ATXN7L1: variants seen among roughly 807,000 people sequenced by gnomAD.
The protein encoded by ATXN7L1 is ataxin 7 like 1, also known as ataxin-7-like protein 1.
In ATXN7L1, 15 loss-of-function variants were observed where a neutral mutation model predicts 70.8. The observed-to-expected ratio is 0.21, with a 90% CI of 0.14 to 0.33. ATXN7L1 has a LOEUF of 0.33. Ranked by LOEUF, ATXN7L1 falls within the 10% of genes least tolerant of loss-of-function variation. The probability of loss-of-function intolerance (pLI) is 1.00; values close to 1 mark genes in which losing one functional copy is unlikely to be tolerated. For synonymous variants in ATXN7L1, 440 were observed against 445.1 expected (o/e 0.99, Z 0.14); for missense variants, 975 against 1,097.1 (o/e 0.89, Z 1.57).
At chr7:105,672,079 A>C (rs1288736271) in intron 3 of ATXN7L1, among the ~76,000 whole-genome samples, 1 of 151,968 alleles carries the variant, frequency 6.6e-6, no homozygotes, top group African/African-American at 2.4e-5. Context: ...CGAGGTCAGG[A>C]GTTCGAGACT....
intron 3 of ATXN7L1, among the ~76,000 whole-genome samples, chr7:105,737,622 G>T (rs1328432019): frequency 1.3e-5 from 2 of 151,762 alleles, no homozygotes; most frequent in East Asian, 1.9e-4. Context: ...AGGGGAGGGG[G>T]ACTCTTCACC....
At chr7:105,737,143 T>C (rs974547) in intron 3 of ATXN7L1, among the ~76,000 whole-genome samples, 31,231 of 152,188 alleles carry the variant, frequency 0.21, 3,418 homozygotes, top group East Asian at 0.33. Context: ...TCCACCTCTT[T>C]GGGGACATTT....
At chr7:105,641,723 C>A (rs529057372) in intron 5 of ATXN7L1, among the ~76,000 whole-genome samples, 1 of 152,364 alleles carries the variant, frequency 6.6e-6, no homozygotes, top group South Asian at 2.1e-4. Flanking sequence ...CTGTGAGGCC[C>A]ACAGTGCTTA....
intron 3 of ATXN7L1, among the ~76,000 whole-genome samples, chr7:105,696,153 G>C (rs1791674223): frequency 6.6e-6 from 1 of 152,198 alleles, no homozygotes; most frequent in South Asian, 2.1e-4. Flanking sequence ...TGGGTGTCAA[G>C]GTGGACTTCA....
chr7:105,673,177 C>T (rs555797395), intron 3 of ATXN7L1, among the ~76,000 whole-genome samples: 1 of 152,212 alleles, frequency 6.6e-6, no homozygotes, highest in African/African-American at 2.4e-5. Context: ...CTCAGGCAAT[C>T]CCATTTCAGT....
chr7:105,665,210 T>C lies in ATXN7L1; in HGVS notation c.434A>G (p.Gln145Arg). The C allele has an allele frequency of 6.4e-7, 1 of 1,551,714 alleles. No homozygotes were observed. Among genetic ancestry groups the C allele is most frequent in the Non-Finnish European group, 8.7e-7 (1 of 1,146,986 alleles). Reference protein sequence around the residue: ...PASNPRTSLVQVKTKACLSGH... With the variant: ...PASNPRTSLVRVKTKACLSGH... ...GCTGAGACAGGCTTTTGTTTTCACC[T>C]GTACTAGTGATGTCCTGGGATTGGA... The change falls in exon 4 of 12, where the codon CAG (glutamine) becomes CGG (arginine). Residue 145 changes from glutamine to arginine, a missense_variant. Around this residue, in one of 5 missense-constraint regions of ATXN7L1, gnomAD observed 192 missense variants for 215.5 expected, o/e 0.89. Coordinates refer to ENST00000419735, the MANE Select transcript of ATXN7L1 (RefSeq NM_020725.2).
chr7:105,638,627 GA>G lies in ATXN7L1; in HGVS notation c.946-19del. ...GAATGTGTCTAAGGAGAAGAGAAATGAAAAGCACAGCCTCTTTGATCAGCAC... is the reference window on the plus strand; with the variant it reads ...GAATGTGTCTAAGGAGAAGAGAAATGAAAGCACAGCCTCTTTGATCAGCAC... On this transcript the variant is annotated intron_variant, in intron 6 of 11. Coordinates refer to ENST00000419735, the MANE Select transcript of ATXN7L1 (RefSeq NM_020725.2). 1.3e-6 allele frequency: 2 copies of G among 1,543,556 alleles called. No individual in the cohort carries two copies. Among genetic ancestry groups the G allele is most frequent in the Non-Finnish European group, 1.8e-6 (2 of 1,142,614 alleles).
intron 3 of ATXN7L1, among the ~76,000 whole-genome samples, chr7:105,702,896 G>A (rs1792643198): frequency 6.6e-6 from 1 of 152,040 alleles, no homozygotes; most frequent in African/African-American, 2.4e-5. Flanking sequence ...AGGCAGGCAG[G>A]TCAAAAGGTC....
intron 3 of ATXN7L1, among the ~76,000 whole-genome samples, chr7:105,738,086 T>C (rs1056668451): frequency 3.3e-5 from 5 of 152,230 alleles, no homozygotes; most frequent in Admixed American, 2.0e-4. Flanking sequence ...TATTATGCTC[T>C]ACTCACAGCC....
chr7:105,644,446 C>G (rs1021295545), intron 4 of ATXN7L1, among the ~76,000 whole-genome samples: 1 of 152,164 alleles, frequency 6.6e-6, no homozygotes, highest in Non-Finnish European at 1.5e-5. Context: ...GGAAGGGTGA[C>G]CTGGGGCTTC....
At chr7:105,727,769 T>TATATA (rs1554442545) in intron 3 of ATXN7L1, among the ~76,000 whole-genome samples, 3 of 120,298 alleles carry the variant, frequency 2.5e-5, no homozygotes, top group Admixed American at 8.6e-5. Flanking sequence ...TATATATATA[T>TATATA]ATATATATAC....
intron 2 of ATXN7L1, among the ~76,000 whole-genome samples, chr7:105,859,349 C>T (rs763040075): frequency 1.3e-5 from 2 of 151,814 alleles, no homozygotes; most frequent in African/African-American, 2.4e-5. Context: ...GGTGAAGTGT[C>T]GTGATGTCTA....
At chr7:105,875,904 A>T in intron 1 of ATXN7L1, 24 bp from the exon 2 acceptor site, 1 of 1,607,456 alleles carries the variant, frequency 6.2e-7, no homozygotes, top group Non-Finnish European at 8.5e-7. Flanking sequence ...AGAAAAGGAA[A>T]ACAGAAAATA....
rs530440896 is a variant in ATXN7L1 at position 105,608,947 on chromosome 7, C to T, written c.2548-1057G>A. 1.6e-4 allele frequency among the ~76,000 whole-genome samples: 25 copies of T among 152,304 alleles called. No individual in the cohort carries two copies. In the South Asian group the frequency reaches 5.0e-3, roughly 30 times the overall value. Reference sequence around the variant, plus strand: ...TGTGTAAGGGGCAAAACCCCACCCCCCAATCCTTCCTGGTCCTCCCTAGAC... The same window carrying T: ...TGTGTAAGGGGCAAAACCCCACCCCTCAATCCTTCCTGGTCCTCCCTAGAC... On this transcript the variant is annotated intron_variant, in intron 11 of 11. Transcript: ENST00000419735.
chr7:105,875,627 A>ACCCCCCCCCCCCCCCCTTTCCCCC (rs3835024), intron 2 of ATXN7L1, among the ~76,000 whole-genome samples, 185 bp downstream of exon 2: 1 of 94,776 alleles, frequency 1.1e-5, no homozygotes, highest in Non-Finnish European at 2.0e-5. Context: ...ACCCCCCTTT[A>ACCCCCCCCCCCCCCCCTTTCCCCC]CCCCCCCCCC....
Position 105,642,820 on chromosome 7 carries a change from G to T in ATXN7L1, c.862+18C>A. The T allele has an allele frequency of 1.3e-6, 2 of 1,545,216 alleles. No homozygotes were observed. Among genetic ancestry groups the T allele is most frequent in the South Asian group, 2.4e-5 (2 of 82,906 alleles). Reference sequence around the variant, plus strand: ...TCAGTCTAATCATGAGTCAGACCCTGACGACACTGACACATACCTGAAAGT... The same window carrying T: ...TCAGTCTAATCATGAGTCAGACCCTTACGACACTGACACATACCTGAAAGT... On this transcript the variant is annotated intron_variant, in intron 5 of 11. Coordinates refer to ENST00000419735, the MANE Select transcript of ATXN7L1 (RefSeq NM_020725.2).
At chr7:105,747,835 T>G (rs1215538620) in intron 3 of ATXN7L1, among the ~76,000 whole-genome samples, 6 of 152,066 alleles carry the variant, frequency 3.9e-5, no homozygotes, top group Non-Finnish European at 1.5e-5. Context: ...AGAAGTCTTC[T>G]GTTGGCCGGG....
rs766875948 is a variant in ATXN7L1, at chr7:105,642,848, C to G, written c.852G>C (p.Arg284Ser). The change falls in exon 5 of 12, where the codon AGG becomes AGC. Residue 284 changes from arginine to serine, a missense_variant. Physicochemically the swap from Arg to Ser is moderately radical, Grantham distance 110. Around this residue, in one of 5 missense-constraint regions of ATXN7L1, gnomAD observed 192 missense variants for 215.5 expected, o/e 0.89. Coordinates refer to ENST00000419735, the MANE Select transcript of ATXN7L1 (RefSeq NM_020725.2). ...GACACTGACACATACCTGAAAGTCT[C>G]CTGTAAGGCTTGTTGCTGTTTTTGG... Reference protein sequence around the residue: ...NGTKNSNKPYRRLSEREFDPN... With the variant: ...NGTKNSNKPYSRLSEREFDPN... 11 of 1,551,284 alleles carry G rather than the reference C, an allele frequency of 7.1e-6. No homozygotes were observed. The South Asian group carries it at 1.3e-4, about 18-fold the overall frequency.
intron 3 of ATXN7L1, among the ~76,000 whole-genome samples, chr7:105,778,796 A>G (rs898131838): frequency 6.6e-6 from 1 of 152,226 alleles, no homozygotes; most frequent in Admixed American, 6.5e-5. Context: ...CATCTCTTCT[A>G]CAAGCTTCCT....
Sources: gnomAD v4.1 joint callset for allele counts (sites outside exome capture counted in the v4.1 genomes callset) on GRCh38, gnomAD v4.1.1 for gene constraint, gnomAD v4.1.1 regional missense constraint, MANE v1.5 for transcripts, NCBI Gene and HGNC (gene_info 2026-07-23, HGNC 2026-07-21) for gene names.